Variants in FGGY observed in about 807,000 individuals in gnomAD.
FGGY encodes the protein FGGY carbohydrate kinase domain-containing protein.
In FGGY, 72 loss-of-function variants were observed where a neutral mutation model predicts 71.3. The observed-to-expected ratio is 1.01, with a 90% confidence interval of 0.84 to 1.23. The LOEUF (loss-of-function observed/expected upper bound fraction) is 1.23. FGGY is among the 50% of genes most tolerant of loss of function. The probability of loss-of-function intolerance (pLI) is 0.00; values close to 1 mark genes in which losing one functional copy is unlikely to be tolerated. For missense variants in FGGY, 668 were observed against 682.3 expected, an observed-to-expected ratio of 0.98 and a Z score of 0.23; for synonymous variants, 251 against 250.3, an observed-to-expected ratio of 1.00 and a Z score of -0.02.
chr1:59,368,687 G>C (rs1053385856), intron 4 of FGGY, among the ~76,000 whole-genome samples: 4 of 152,228 alleles, frequency 2.6e-5, no homozygotes, highest in Non-Finnish European at 4.4e-5. Flanking sequence ...AGGAGGGACA[G>C]AGAGATTTTT....
intron 3 of FGGY, among the ~76,000 whole-genome samples, chr1:59,341,318 C>G (rs533795229): frequency 6.6e-6 from 1 of 152,258 alleles, no homozygotes; most frequent in East Asian, 1.9e-4. Flanking sequence ...AGAGAATATT[C>G]CGGTCACTAC....
At chr1:59,679,517 C>G (rs1007984176) in intron 14 of FGGY, among the ~76,000 whole-genome samples, 3 of 151,736 alleles carry the variant, frequency 2.0e-5, no homozygotes, top group Non-Finnish European at 4.4e-5. Context: ...GGAATACTAA[C>G]ATTTCATGTT....
chr1:59,589,666 A>G (rs1430236366), intron 8 of FGGY, among the ~76,000 whole-genome samples: 1 of 152,048 alleles, frequency 6.6e-6, no homozygotes, highest in East Asian at 1.9e-4. Context: ...TGGAAACTGA[A>G]CAACCTGCTC....
intron 8 of FGGY, among the ~76,000 whole-genome samples, chr1:59,588,769 TA>T (rs1324909581): frequency 6.6e-6 from 1 of 152,072 alleles, no homozygotes; most frequent in Admixed American, 6.5e-5. Context: ...AGGCCTGCCC[TA>T]AAAGAGCTCC....
chr1:59,643,279 T>C (rs2097056466), intron 11 of FGGY, among the ~76,000 whole-genome samples: 1 of 152,074 alleles, frequency 6.6e-6, no homozygotes, highest in South Asian at 2.1e-4. Context: ...ACCTTGAACT[T>C]CTGAGCTCAA....
intron 8 of FGGY, among the ~76,000 whole-genome samples, chr1:59,581,574 C>G (rs1169586346): frequency 6.7e-6 from 1 of 149,974 alleles, no homozygotes. Context: ...TCTCCATACC[C>G]AAAGACTAGC....
At chr1:59,600,089 A>G (rs1407243547) in intron 8 of FGGY, among the ~76,000 whole-genome samples, 1 of 152,188 alleles carries the variant, frequency 6.6e-6, no homozygotes. Context: ...GGAGGACACT[A>G]TTTGGGTCAG....
At chr1:59,399,349 A>T (rs1022437423) in intron 5 of FGGY, among the ~76,000 whole-genome samples, 16 of 152,172 alleles carry the variant, frequency 1.1e-4, no homozygotes, top group African/African-American at 3.6e-4. Context: ...GTCAGGCATT[A>T]TATTAGGCCC....
intron 7 of FGGY, among the ~76,000 whole-genome samples, chr1:59,535,167 G>T (rs559971851): frequency 6.6e-6 from 1 of 152,018 alleles, no homozygotes; most frequent in African/African-American, 2.4e-5. Flanking sequence ...ACAAAAAAAG[G>T]CAGGGGTTGC....
At chr1:59,463,166 G>A (rs898116603) in intron 6 of FGGY, among the ~76,000 whole-genome samples, 1 of 152,148 alleles carries the variant, frequency 6.6e-6, no homozygotes, top group Non-Finnish European at 1.5e-5. Flanking sequence ...AAAAAATGAT[G>A]AGTTCATGTC....
Position 59,649,827 on chromosome 1 carries a change from C to A in FGGY, c.1222-10392C>A, listed in dbSNP as rs569099598. Among the ~76,000 whole-genome samples, 180 of 141,598 alleles carry A rather than the reference C, an allele frequency of 1.3e-3. 8 individuals are homozygous for A. The highest frequency in any genetic ancestry group is 4.7e-3 in the African/African-American group (158 of 33,676). The allele number at this position is 141,598 out of a possible 152,430, so 92.9% of individuals were successfully genotyped here. ...TGAGAGAGGGCATCCCTGTCTTGTGCCAGTTTTCAAAGGGAATGCTTCCAG... is the reference window on the plus strand; with the variant it reads ...TGAGAGAGGGCATCCCTGTCTTGTGACAGTTTTCAAAGGGAATGCTTCCAG... On this transcript the variant is annotated intron_variant, in intron 11 of 15. Transcript: ENST00000303721.
chr1:59,332,385 T>C lies in FGGY; in HGVS notation c.202-7573T>C, dbSNP rs1480810626. Among the ~76,000 whole-genome samples the C allele has an allele frequency of 4.7e-4, 72 of 152,134 alleles. 1 individual carries two copies. Among genetic ancestry groups the C allele is most frequent in the South Asian group, 2.1e-4 (1 of 4,828 alleles). The stretch of plus-strand genomic sequence containing the variant: ...CTTTCTTCTTCCATTAATAAGAATA[T>C]AAAAAAGAATTCTTAGGTCACCAGG... On this transcript the variant is annotated intron_variant, in intron 2 of 15. Coordinates refer to ENST00000303721, the MANE Select transcript of FGGY (RefSeq NM_018291.5).
At chr1:59,538,159 C>T (rs943982915) in intron 7 of FGGY, among the ~76,000 whole-genome samples, 32 of 152,236 alleles carry the variant, frequency 2.1e-4, no homozygotes, top group African/African-American at 7.7e-4. Flanking sequence ...GAGAAAAAAA[C>T]AACCCCATGA....
chr1:59,742,043 C>T (rs1036505029), intron 14 of FGGY, among the ~76,000 whole-genome samples: 2 of 152,074 alleles, frequency 1.3e-5, no homozygotes, highest in Non-Finnish European at 2.9e-5. Context: ...GTTCGAGCTG[C>T]AGTGAGCTAT....
chr1:59,712,908 T>G (rs922051594), intron 14 of FGGY, among the ~76,000 whole-genome samples: 2 of 152,202 alleles, frequency 1.3e-5, no homozygotes, highest in East Asian at 3.8e-4. Context: ...CGGCTTGAAT[T>G]TCTCCTCAGA....
At chr1:59,726,029 A>G (rs927790789) in intron 14 of FGGY, among the ~76,000 whole-genome samples, 1 of 152,164 alleles carries the variant, frequency 6.6e-6, no homozygotes, top group African/African-American at 2.4e-5. Flanking sequence ...TCCATCAAGT[A>G]TGATAATAGC....
At chr1:59,379,184 C>A (rs1236821029) in intron 5 of FGGY, among the ~76,000 whole-genome samples, 1 of 151,922 alleles carries the variant, frequency 6.6e-6, no homozygotes, top group Non-Finnish European at 1.5e-5. Flanking sequence ...CACACACACA[C>A]ACACACACAG....
intron 4 of FGGY, among the ~76,000 whole-genome samples, chr1:59,355,549 A>AT (rs112884353): frequency 0.15 from 22,382 of 147,498 alleles, 1,863 homozygotes; most frequent in African/African-American, 0.24. Flanking sequence ...TGAGCAAGGG[A>AT]TTTTTTTTTT....
chr1:59,691,195 A>G (rs2097583878), intron 14 of FGGY, among the ~76,000 whole-genome samples: 1 of 152,258 alleles, frequency 6.6e-6, no homozygotes, highest in Non-Finnish European at 1.5e-5. Flanking sequence ...ACTGGACTAG[A>G]TCTTTCCAAA....
Sources: allele counts gnomAD v4.1 joint callset (sites outside exome capture counted in the v4.1 genomes callset), GRCh38; gene constraint gnomAD v4.1.1; transcripts MANE v1.5; gene names NCBI Gene and HGNC (gene_info 2026-07-23, HGNC 2026-07-21).